ARL14EPL: variants seen among roughly 807,000 people sequenced by gnomAD.
ARL14EPL encodes the protein ARL14 effector protein-like.
ARL14EPL carries 17 observed loss-of-function variants against 15.9 expected under a neutral mutation model. That is an observed-to-expected ratio of 1.07 (90% CI 0.73 to 1.60). ARL14EPL has a LOEUF of 1.60. Among genes scored for constraint, ARL14EPL ranks in the 40% most tolerant of loss-of-function variants. The pLI is 0.00. For synonymous variants in ARL14EPL, 78 were observed against 63.8 expected, an observed-to-expected ratio of 1.22 and a Z score of -1.06; for missense variants, 214 against 185.9, an observed-to-expected ratio of 1.15 and a Z score of -0.88.
rs539170007 is a variant in ARL14EPL, at chr5:116,055,124, C to T, written c.236+971C>T. Among the ~76,000 whole-genome samples the T allele has an allele frequency of 4.6e-5, 7 of 151,968 alleles. No homozygotes were observed. In the South Asian group the frequency reaches 6.2e-4, roughly 13 times the overall value. On this transcript the variant is annotated intron_variant, in intron 3 of 3. Coordinates refer to ENST00000686077, the MANE Select transcript of ARL14EPL (RefSeq NM_001195581.2). ...AACAACAAATAAACATTCAGGATAC[C>T]GAACCTGATCAGCACATACATAGAA...
intron 1 of ARL14EPL, among the ~76,000 whole-genome samples, chr5:116,044,778 C>T (rs1480773055): frequency 6.6e-6 from 1 of 152,086 alleles, no homozygotes; most frequent in African/African-American, 2.4e-5. Context: ...TTTCTACCTC[C>T]CCTCGTCCCA....
chr5:116,043,267 C>T (rs1162208596), intron 1 of ARL14EPL, among the ~76,000 whole-genome samples: 1 of 150,090 alleles, frequency 6.7e-6, no homozygotes, highest in African/African-American at 2.4e-5. Context: ...CCACTCATAA[C>T]TCATAAGCAT....
chr5:116,032,543 A>G (rs954546205), intron 1 of ARL14EPL, 38 bp downstream of exon 1: 5 of 152,192 alleles, frequency 3.3e-5, no homozygotes, highest in African/African-American at 9.7e-5. Context: ...AAAGAGAAAG[A>G]TACCATATTT....
chr5:116,035,181 C>G (rs1011151848), intron 1 of ARL14EPL, among the ~76,000 whole-genome samples: 1 of 151,980 alleles, frequency 6.6e-6, no homozygotes, highest in Non-Finnish European at 1.5e-5. Context: ...TTCTGGTTCT[C>G]TGACCATGTC....
At chr5:116,053,911 T>G in intron 2 of ARL14EPL, 103 bp from the exon 3 acceptor site, 1 of 956,700 alleles carries the variant, frequency 1.0e-6, no homozygotes, top group Non-Finnish European at 1.5e-6. Flanking sequence ...CATATATACT[T>G]TCATGCCTTT....
rs988508652 is a variant in ARL14EPL at position 116,051,662 on chromosome 5, G to C, written c.96+101G>C. 5 of 1,003,062 alleles carry C rather than the reference G, an allele frequency of 5.0e-6. No homozygotes were observed. In the African/African-American group the frequency reaches 6.5e-5, roughly 13 times the overall value. The allele number at this position is 1,003,062 out of a possible 1,614,324, so 62.1% of individuals were successfully genotyped here. The stretch of plus-strand genomic sequence containing the variant: ...TGGGTGGGAAGGTGGGCCCAGGCAG[G>C]ACCTCACAGGGAGGAGCTCTGCCGC... On this transcript the variant is annotated intron_variant, in intron 2 of 3. Transcript: ENST00000686077.
chr5:116,047,008 A>C (rs1749279985), intron 1 of ARL14EPL, among the ~76,000 whole-genome samples: 1 of 152,212 alleles, frequency 6.6e-6, no homozygotes. Flanking sequence ...ACTAAGAAGC[A>C]GGCAGCCTGC....
intron 1 of ARL14EPL, among the ~76,000 whole-genome samples, chr5:116,044,756 C>G (rs1428561889): frequency 6.6e-6 from 1 of 152,112 alleles, no homozygotes; most frequent in South Asian, 2.1e-4. Context: ...TTACATCCAT[C>G]CCTTCCTTCA....
chr5:116,048,360 A>G (rs1418500928), intron 1 of ARL14EPL, among the ~76,000 whole-genome samples: 1 of 152,138 alleles, frequency 6.6e-6, no homozygotes, highest in African/African-American at 2.4e-5. Context: ...TCTCATCACC[A>G]TCATCAGTGG....
intron 1 of ARL14EPL, among the ~76,000 whole-genome samples, chr5:116,042,125 C>G (rs548485157): frequency 6.6e-6 from 1 of 152,306 alleles, no homozygotes; most frequent in South Asian, 2.1e-4. Context: ...GCCACAATGT[C>G]TGACCAGGAG....
intron 1 of ARL14EPL, among the ~76,000 whole-genome samples, 165 bp downstream of exon 1, chr5:116,032,670 A>G (rs111363370): frequency 0.011 from 1,633 of 152,334 alleles, 25 homozygotes; most frequent in African/African-American, 0.038. Context: ...ACATATGTAC[A>G]GGAAAAACCG....
intron 1 of ARL14EPL, among the ~76,000 whole-genome samples, chr5:116,034,650 A>T (rs1482989473): frequency 1.3e-5 from 2 of 151,622 alleles, no homozygotes. Context: ...TCAGCAGGAA[A>T]ATTCTTCTAC....
intron 1 of ARL14EPL, among the ~76,000 whole-genome samples, chr5:116,043,766 T>C (rs1349834816): frequency 6.6e-6 from 1 of 152,194 alleles, no homozygotes; most frequent in Non-Finnish European, 1.5e-5. Flanking sequence ...CTTTTCTTGG[T>C]TGGTTACAAA....
chr5:116,041,929 A>G (rs1466356073), intron 1 of ARL14EPL, among the ~76,000 whole-genome samples: 1 of 152,150 alleles, frequency 6.6e-6, no homozygotes, highest in Non-Finnish European at 1.5e-5. Context: ...CCCAGGCTCA[A>G]GCAATCCTCC....
intron 1 of ARL14EPL, among the ~76,000 whole-genome samples, chr5:116,042,624 T>C (rs897360504): frequency 1.3e-5 from 2 of 152,154 alleles, no homozygotes; most frequent in African/African-American, 4.8e-5. Flanking sequence ...AATTGGAGGA[T>C]TGGAGCAGCC....
chr5:116,058,952 T>C lies in ARL14EPL; in HGVS notation c.*5T>C. 6.5e-7 allele frequency: 1 copy of C among 1,535,114 alleles called. No homozygotes were observed. Among genetic ancestry groups the C allele is most frequent in the Non-Finnish European group, 8.7e-7 (1 of 1,146,050 alleles). ...CCGTTTAATGTTCCTGACTAGGTGC[T>C]CTTGTATATGGACTGATTTGTTTCT... On this transcript the variant is annotated 3_prime_UTR_variant, in exon 4 of 4. Coordinates refer to ENST00000686077, the MANE Select transcript of ARL14EPL (RefSeq NM_001195581.2).
chr5:116,059,041 C>T lies in ARL14EPL; in HGVS notation c.*94C>T, dbSNP rs930839730. 3.4e-6 allele frequency: 4 copies of T among 1,168,048 alleles called. No homozygotes were observed. Among genetic ancestry groups the T allele is most frequent in the Admixed American group, 2.2e-5 (1 of 45,182 alleles). 72.4% of individuals were successfully genotyped at this position (1,168,048 alleles called of 1,614,324 possible). A position where few individuals can be genotyped will look rare whatever the true frequency, so the allele number is the denominator to read the frequency against. On this transcript the variant is annotated 3_prime_UTR_variant, in exon 4 of 4. Transcript: ENST00000686077. The stretch of plus-strand genomic sequence containing the variant: ...GAATTTTAGGGCTTGGGGGAAATAT[C>T]GAAAAAACATACTGAAGACTCATGT...
At chr5:116,047,869 G>A (rs1379233075) in intron 1 of ARL14EPL, among the ~76,000 whole-genome samples, 7 of 152,182 alleles carry the variant, frequency 4.6e-5, no homozygotes, top group South Asian at 2.1e-4. Context: ...TTGGGGAAGA[G>A]GAATTCTAGT....
chr5:116,044,782 C>T (rs115615029), intron 1 of ARL14EPL, among the ~76,000 whole-genome samples: 1,860 of 152,210 alleles, frequency 0.012, 13 homozygotes, highest in Non-Finnish European at 0.017. Flanking sequence ...TACCTCCCCT[C>T]GTCCCAGCCA....
Sources: allele counts gnomAD v4.1 joint callset (sites outside exome capture counted in the v4.1 genomes callset), GRCh38; gene constraint gnomAD v4.1.1; transcripts MANE v1.5; gene names NCBI Gene and HGNC (gene_info 2026-07-23, HGNC 2026-07-21).